RARB: variants seen among roughly 807,000 people sequenced by gnomAD.
RARB encodes the protein retinoic acid receptor beta.
Under a neutral mutation model 51.9 loss-of-function variants are expected in RARB, and 17 were observed. That is an observed-to-expected ratio of 0.33 (90% confidence interval 0.22 to 0.49). RARB has a LOEUF of 0.49. Among genes scored for constraint, RARB ranks in the 20% least tolerant of loss-of-function variants. RARB has a pLI of 0.99. For synonymous variants in RARB, 215 were observed against 195.4 expected, an observed-to-expected ratio of 1.10 and a Z score of -0.84; for missense variants, 369 against 550.8, an observed-to-expected ratio of 0.67 and a Z score of 3.30.
At chr3:25,508,198 C>T (rs1229428691) in intron 3 of RARB, among the ~76,000 whole-genome samples, 1 of 152,196 alleles carries the variant, frequency 6.6e-6, no homozygotes, top group Non-Finnish European at 1.5e-5. Context: ...TCCCTAAGCA[C>T]TCATTGACAC....
chr3:24,942,144 C>T (rs748394945), intron 2 of RARB, among the ~76,000 whole-genome samples: 2 of 152,170 alleles, frequency 1.3e-5, no homozygotes, highest in Admixed American at 6.5e-5. Flanking sequence ...CGCTATTATG[C>T]GGTAAAACTG....
At chr3:25,454,685 G>GA (rs57789086) in intron 1 of RARB, among the ~76,000 whole-genome samples, 33,049 of 142,354 alleles carry the variant, frequency 0.23, 4,015 homozygotes, top group East Asian at 0.44. Flanking sequence ...CTCTCACAAA[G>GA]AAAAAAAAAA....
chr3:25,236,871 T>C (rs981332357), intron 5 of RARB, among the ~76,000 whole-genome samples: 10 of 151,796 alleles, frequency 6.6e-5, no homozygotes, highest in Non-Finnish European at 1.5e-4. Context: ...CATTTTTTTA[T>C]GGTTAATAGA....
intron 3 of RARB, among the ~76,000 whole-genome samples, chr3:25,129,397 C>T (rs1699910548): frequency 6.6e-6 from 1 of 151,920 alleles, no homozygotes; most frequent in African/African-American, 2.4e-5. Flanking sequence ...CCTGAGCTTC[C>T]TTTATTTAAA....
chr3:24,908,658 C>G (rs141431601), intron 2 of RARB, among the ~76,000 whole-genome samples: 126 of 100,662 alleles, frequency 1.3e-3, no homozygotes, highest in African/African-American at 3.6e-3. Flanking sequence ...GAGGTAACCA[C>G]AACTGTTTTT....
rs35078496 is a variant in RARB, at chr3:24,961,919, C to CT, written c.-379-98178dup. ...AAACCTTAGTGTTCCCTTTGGGTGTCTTTTTTTTTTTTTTTTTTTTTTTTT... is the reference window on the plus strand; with the variant it reads ...AAACCTTAGTGTTCCCTTTGGGTGTCTTTTTTTTTTTTTTTTTTTTTTTTTT... On this transcript the variant is annotated intron_variant, in intron 2 of 11. Coordinates refer to the RARB transcript ENST00000383772. 2.6e-3 allele frequency among the ~76,000 whole-genome samples: 182 copies of CT among 70,712 alleles called. 7 individuals are homozygous for CT. Among genetic ancestry groups the CT allele is most frequent in the African/African-American group, 6.5e-3 (114 of 17,454 alleles). The allele number at this position is 70,712 out of a possible 152,430, so 46.4% of individuals were successfully genotyped here.
At chr3:25,099,686 G>T (rs1699362916) in intron 3 of RARB, among the ~76,000 whole-genome samples, 1 of 149,018 alleles carries the variant, frequency 6.7e-6, no homozygotes, top group South Asian at 2.1e-4. Context: ...AGGTTTTCTT[G>T]ATGTCAGTCT....
At chr3:24,924,983 G>C (rs747813907) in intron 2 of RARB, among the ~76,000 whole-genome samples, 2 of 152,092 alleles carry the variant, frequency 1.3e-5, no homozygotes, top group Admixed American at 6.6e-5. Context: ...TATATCACCT[G>C]TTCCTGGGCT....
intron 5 of RARB, among the ~76,000 whole-genome samples, chr3:25,210,009 A>G (rs1196081847): frequency 6.6e-6 from 1 of 152,152 alleles, no homozygotes; most frequent in Non-Finnish European, 1.5e-5. Context: ...ATCTTACTGA[A>G]ATTACCCCAC....
chr3:25,354,717 G>T (rs1348617349), intron 5 of RARB, among the ~76,000 whole-genome samples: 1 of 152,060 alleles, frequency 6.6e-6, no homozygotes. Context: ...CTTTTGTTGG[G>T]TTTGATGTAT....
chr3:25,080,088 T>G (rs1275081325), intron 3 of RARB, among the ~76,000 whole-genome samples: 1 of 152,188 alleles, frequency 6.6e-6, no homozygotes. Flanking sequence ...AAGCAGTAAC[T>G]CTGCCATCCT....
chr3:25,056,700 C>T (rs1452211407), intron 2 of RARB, among the ~76,000 whole-genome samples: 2 of 151,920 alleles, frequency 1.3e-5, no homozygotes, highest in South Asian at 2.1e-4. Context: ...ATATACATAC[C>T]TGTATATATG....
intron 2 of RARB, among the ~76,000 whole-genome samples, chr3:25,500,644 ATT>A (rs1433483461): frequency 1.3e-5 from 2 of 151,056 alleles, no homozygotes; most frequent in African/African-American, 4.9e-5. Flanking sequence ...GTGCCTGCTA[ATT>A]TTTGTATTTT....
intron 2 of RARB, among the ~76,000 whole-genome samples, chr3:25,023,760 C>G (rs1697687124): frequency 6.6e-6 from 1 of 152,084 alleles, no homozygotes; most frequent in Non-Finnish European, 1.5e-5. Flanking sequence ...CCAGTGAAAC[C>G]TCAATAGATT....
At chr3:25,043,374 T>C (rs1396348422) in intron 2 of RARB, among the ~76,000 whole-genome samples, 2 of 152,240 alleles carry the variant, frequency 1.3e-5, no homozygotes, top group African/African-American at 4.8e-5. Flanking sequence ...CATTTATTAA[T>C]AGTAATAAAT....
intron 1 of RARB, among the ~76,000 whole-genome samples, chr3:25,454,863 C>T (rs1051793660): frequency 2.6e-5 from 4 of 152,196 alleles, no homozygotes; most frequent in African/African-American, 9.7e-5. Flanking sequence ...TGTGTTTTCT[C>T]AGGTGAGTTA....
intron 4 of RARB, chr3:25,173,972 A>G (rs1317051790): frequency 2.6e-5 from 4 of 154,426 alleles, no homozygotes; most frequent in Non-Finnish European, 5.8e-5. Flanking sequence ...GTGAGAAAAG[A>G]AAATTAACAC....
intron 2 of RARB, among the ~76,000 whole-genome samples, chr3:25,028,395 C>T (rs1697798494): frequency 6.6e-6 from 1 of 152,132 alleles, no homozygotes; most frequent in African/African-American, 2.4e-5. Flanking sequence ...AGTCCCTGGA[C>T]CAGCAGTATC....
At chr3:25,096,614 T>C (rs1295090433) in intron 3 of RARB, among the ~76,000 whole-genome samples, 1 of 152,074 alleles carries the variant, frequency 6.6e-6, no homozygotes, top group Non-Finnish European at 1.5e-5. Context: ...GAGGAACATA[T>C]AGTTAAAAAT....
Sources: allele counts gnomAD v4.1 joint callset (sites outside exome capture counted in the v4.1 genomes callset), GRCh38; gene constraint gnomAD v4.1.1; transcripts MANE v1.5; gene names NCBI Gene and HGNC (gene_info 2026-07-23, HGNC 2026-07-21).